KMT2A: variants seen among roughly 807,000 people sequenced by gnomAD.
KMT2A encodes the protein lysine methyltransferase 2A, also known as histone-lysine N-methyltransferase 2A.
Under a neutral mutation model 345.3 loss-of-function variants are expected in KMT2A, and 16 were observed. That is an observed-to-expected ratio of 0.05 (90% confidence interval 0.03 to 0.07). The LOEUF (loss-of-function observed/expected upper bound fraction) is 0.07. Ranked by LOEUF, KMT2A falls within the 10% of genes least tolerant of loss-of-function variation. The pLI, the probability that KMT2A is intolerant of heterozygous loss-of-function variation, is 1.00. For synonymous variants in KMT2A, 1,599 were observed against 1,778.6 expected (o/e 0.90, Z 2.54); for missense variants, 3,272 against 4,841.6 (o/e 0.68, Z 9.62).
rs781782812 is a variant in KMT2A, at chr11:118,520,759, A to G, written c.11430-43A>G. The G allele has an allele frequency of 4.1e-5, 59 of 1,437,758 alleles. No individual in the cohort carries two copies. The highest frequency in any genetic ancestry group is 5.2e-5 in the Non-Finnish European group (53 of 1,019,328). The allele number at this position is 1,437,758 out of a possible 1,614,324, so 89.1% of individuals were successfully genotyped here. On this transcript the variant is annotated intron_variant, in intron 33 of 35. Transcript: ENST00000534358. The surrounding 1 kb of genome is among the most constrained non-coding windows in gnomAD (Gnocchi z 4.3). Reference sequence around the variant, plus strand: ...CCTTCGATTCAAGACTCAAAACATTATTTCCTGAAAAAAATTCGTTAATAG... The same window carrying G: ...CCTTCGATTCAAGACTCAAAACATTGTTTCCTGAAAAAAATTCGTTAATAG...
At chr11:118,450,592 T>C (rs886269401) in intron 1 of KMT2A, 5 of 152,240 alleles carry the variant, frequency 3.3e-5, no homozygotes, top group African/African-American at 1.2e-4. Flanking sequence ...TCTGTTGTTA[T>C]TGAAGAACAG....
rs1950960734 is a variant in KMT2A at position 118,521,208 on chromosome 11, A to G, written c.11514-80A>G. 1.4e-6 allele frequency: 2 copies of G among 1,477,496 alleles called. No individual in the cohort carries two copies. Among genetic ancestry groups the G allele is most frequent in the Admixed American group, 1.8e-5 (1 of 56,340 alleles). 91.5% of individuals were successfully genotyped at this position (1,477,496 alleles called of 1,614,324 possible). A position where few individuals can be genotyped will look rare whatever the true frequency, so the allele number is the denominator to read the frequency against. On this transcript the variant is annotated intron_variant, in intron 34 of 35. Transcript: ENST00000534358. The surrounding 1 kb of genome is among the most constrained non-coding windows in gnomAD (Gnocchi z 5.3). ...GTCCCTCCTGGGGAACTAACAGACC[A>G]GGAGAACTTATTCATGTATTCACGC...
At chr11:118,440,929 G>T (rs1949300214) in intron 1 of KMT2A, among the ~76,000 whole-genome samples, 1 of 151,906 alleles carries the variant, frequency 6.6e-6, no homozygotes, top group South Asian at 2.1e-4. Context: ...CGAAGCCTCC[G>T]AGTAGAAGTC....
At position 118,503,649 on chromosome 11, in the gene KMT2A, C is replaced by T. The variant is rs1473869242; in HGVS notation, c.7757C>T (p.Ser2586Phe). 1 of 1,614,196 alleles carries T rather than the reference C, an allele frequency of 6.2e-7. No individual in the cohort carries two copies. Among genetic ancestry groups the T allele is most frequent in the Admixed American group, 1.7e-5 (1 of 60,030 alleles). The change falls in exon 27 of 36, where the codon TCT (serine) becomes TTT (phenylalanine). Residue 2586 changes from serine (S) to phenylalanine (F), a missense_variant. By Grantham distance (155) the Ser-to-Phe change is radical. Around this residue, in one of 27 missense-constraint regions of KMT2A, gnomAD observed 445 missense variants for 500.9 expected, o/e 0.89. Transcript: ENST00000534358. The surrounding 1 kb of genome is among the most constrained non-coding windows in gnomAD (Gnocchi z 5.3). The part of the protein sequence containing the change: ...PSPNNTSCQD[S>F]QSNNYQNLPV... ...CCCAATAATACCTCATGCCAGGATT[C>T]TCAAAGTAACAACTATCAGAATCTT...
Position 118,495,921 on chromosome 11 carries a change from C to T in KMT2A, c.5557+28C>T. The T allele has an allele frequency of 6.5e-7, 1 of 1,545,946 alleles. No individual in the cohort carries two copies. The highest frequency in any genetic ancestry group is 8.8e-7 in the Non-Finnish European group (1 of 1,132,732). ...AAGCCACCAAAAGGAGAGTCGTCACCCATTTCCCTCTAGATGCAGATGATT... is the reference window on the plus strand; with the variant it reads ...AAGCCACCAAAAGGAGAGTCGTCACTCATTTCCCTCTAGATGCAGATGATT... On this transcript the variant is annotated intron_variant, in intron 19 of 35. Transcript: ENST00000534358. This position sits in a 1 kb window ranked among gnomAD's most constrained non-coding sequence, Gnocchi z 4.1.
At position 118,473,446 on chromosome 11, in the gene KMT2A, A is replaced by T; in HGVS notation, c.2287A>T (p.Ser763Cys). The part of the protein sequence containing the change: ...HSMRTRSGRL[S>C]SSELSPLTPP... ...CATGAGGACAAGAAGTGGAAGGCTT[A>T]GTAGTTCTGAGCTCTCACCTCTCAC... The change falls in exon 3 of 36, where the codon AGT (serine) becomes TGT (cysteine). Residue 763 changes from serine (S) to cysteine (C), a missense_variant. Physicochemically the swap from Ser to Cys is moderately radical, Grantham distance 112. This residue lies in a region of KMT2A where 209 missense variants were observed against 237.4 expected (regional missense o/e 0.88). Transcript: ENST00000534358. This position sits in a 1 kb window ranked among gnomAD's most constrained non-coding sequence, Gnocchi z 5.2. 1 of 1,614,196 alleles carries T rather than the reference A, an allele frequency of 6.2e-7. No individual in the cohort carries two copies. Among genetic ancestry groups the T allele is most frequent in the Non-Finnish European group, 8.5e-7 (1 of 1,180,034 alleles).
chr11:118,471,302 G>A (rs1949938037), intron 2 of KMT2A, among the ~76,000 whole-genome samples: 1 of 152,142 alleles, frequency 6.6e-6, no homozygotes, highest in Non-Finnish European at 1.5e-5. Flanking sequence ...CTAGGATATG[G>A]CGAGGAAGTT....
At chr11:118,501,364 G>C (rs1166819259) in intron 25 of KMT2A, among the ~76,000 whole-genome samples, 1 of 152,072 alleles carries the variant, frequency 6.6e-6, no homozygotes, top group East Asian at 1.9e-4. Flanking sequence ...AGCCACTCAG[G>C]AGGCAGAGGC....
intron 1 of KMT2A, chr11:118,439,107 G>C (rs1555139516): frequency 2.0e-6 from 1 of 506,482 alleles, no homozygotes; most frequent in South Asian, 1.4e-5. Context: ...TACTTGCATG[G>C]AGTTGGTGCT....
intron 1 of KMT2A, chr11:118,450,292 A>G (rs1488744706): frequency 2.0e-5 from 3 of 152,030 alleles, no homozygotes; most frequent in African/African-American, 7.2e-5. Context: ...GAAGTAGTGC[A>G]TTCATTTTGC....
At chr11:118,471,206 A>G (rs524936) in intron 2 of KMT2A, among the ~76,000 whole-genome samples, 126,999 of 152,132 alleles carry the variant, frequency 0.83, 53,759 homozygotes, top group Admixed American at 0.9. Flanking sequence ...AGAGCAGCGT[A>G]TTCAAATTTG....
intron 8 of KMT2A, among the ~76,000 whole-genome samples, chr11:118,483,306 G>T (rs1313282375): frequency 6.6e-6 from 1 of 151,902 alleles, no homozygotes; most frequent in Non-Finnish European, 1.5e-5. Context: ...GCCGAGGCGG[G>T]CGGATCATGA....
intron 1 of KMT2A, among the ~76,000 whole-genome samples, chr11:118,439,340 T>C (rs945428727): frequency 7.9e-5 from 12 of 152,244 alleles, no homozygotes; most frequent in Non-Finnish European, 1.2e-4. Flanking sequence ...CATTTTCTTC[T>C]TGTTCAGTAT....
At chr11:118,438,625 GT>G (rs1555139364) in intron 1 of KMT2A, among the ~76,000 whole-genome samples, 3 of 152,106 alleles carry the variant, frequency 2.0e-5, no homozygotes, top group Non-Finnish European at 4.4e-5. Context: ...CAAACCCCTT[GT>G]CCCCTATTGT....
intron 1 of KMT2A, among the ~76,000 whole-genome samples, chr11:118,456,757 A>G (rs1236382612): frequency 2.6e-5 from 4 of 152,178 alleles, no homozygotes; most frequent in African/African-American, 9.7e-5. Flanking sequence ...CAGCATTCAT[A>G]TATTCATTGA....
rs2134154764 is a variant in KMT2A at position 118,436,837 on chromosome 11, G to A, written c.325G>A (p.Gly109Ser). ...ASSGPALLRVGPGFDAALQVS... is the reference protein window; with the variant it reads ...ASSGPALLRVSPGFDAALQVS... The stretch of plus-strand genomic sequence containing the variant: ...TTCAGGGCCGGCCCTGCTCCGGGTG[G>A]GCCCGGGCTTCGACGCGGCGCTGCA... The change falls in exon 1 of 36, where the codon GGC becomes AGC. Residue 109 changes from glycine to serine, a missense_variant. Physicochemically the swap from Gly to Ser is moderately conservative, Grantham distance 56 (BLOSUM62 0). Around this residue, in one of 27 missense-constraint regions of KMT2A, gnomAD observed 412 missense variants for 511.0 expected, o/e 0.81. Coordinates refer to ENST00000534358, the MANE Select transcript of KMT2A (RefSeq NM_001197104.2). This position sits in a 1 kb window ranked among gnomAD's most constrained non-coding sequence, Gnocchi z 6.9. 2 of 1,606,190 alleles carry A rather than the reference G, an allele frequency of 1.2e-6. No homozygotes were observed. Among genetic ancestry groups the A allele is most frequent in the Non-Finnish European group, 8.5e-7 (1 of 1,176,786 alleles).
At position 118,505,330 on chromosome 11, in the gene KMT2A, A is replaced by G. The variant is rs1950562411; in HGVS notation, c.9438A>G (p.Gln3146=). The G allele has an allele frequency of 1.2e-6, 2 of 1,614,166 alleles. No individual in the cohort carries two copies. The highest frequency in any genetic ancestry group is 4.5e-5 in the East Asian group (2 of 44,884). The change falls in exon 27 of 36, where the codon CAA becomes CAG. Residue 3146 remains glutamine (Q), a synonymous_variant. Coordinates refer to ENST00000534358, the MANE Select transcript of KMT2A (RefSeq NM_001197104.2). This position sits in a 1 kb window ranked among gnomAD's most constrained non-coding sequence, Gnocchi z 4.6. ...TAAATCCAAGCTTGCCAACTTCTCA[A>G]TCTTTGTTCCCTTCTGCTAGCAAAG... The part of the protein sequence containing the change: ...TGLNPSLPTS[Q]SLFPSASKGL...
chr11:118,473,260 A>C lies in KMT2A; in HGVS notation c.2101A>C (p.Arg701=). ...AAGGAGCCCTCTTCTGAGAGCTCCA[A>C]GATTTACTCCAAGTGAGGCTCACTC... ...HKRSPLLRAP[R]FTPSEAHSRI... is the part of the protein sequence containing the mutation. Residue 701 remains arginine, a synonymous_variant, in exon 3 of 36, where the codon AGA becomes CGA. Transcript: ENST00000534358. The surrounding 1 kb of genome is among the most constrained non-coding windows in gnomAD (Gnocchi z 5.2). 6.2e-7 allele frequency: 1 copy of C among 1,611,232 alleles called. No homozygotes were observed. Among genetic ancestry groups the C allele is most frequent in the South Asian group, 1.1e-5 (1 of 90,806 alleles).
chr11:118,481,778 T>G lies in KMT2A; in HGVS notation c.3698T>G (p.Val1233Gly). 6.2e-7 allele frequency: 1 copy of G among 1,614,126 alleles called. No individual in the cohort carries two copies. The highest frequency in any genetic ancestry group is 8.5e-7 in the Non-Finnish European group (1 of 1,180,018). The change falls in exon 7 of 36, where the codon GTT becomes GGT. Residue 1233 changes from valine (V) to glycine (G), a missense_variant. Around this residue, in one of 27 missense-constraint regions of KMT2A, gnomAD observed 168 missense variants for 216.0 expected, o/e 0.78. Transcript: ENST00000534358. ...SEKKDSKESSVVKNVVDSSQK... is the reference protein window; with the variant it reads ...SEKKDSKESSGVKNVVDSSQK... The stretch of plus-strand genomic sequence containing the variant: ...AAGAAAGACAGCAAAGAGAGCAGTG[T>G]TGTGAAGAACGTGGTGGACTCTAGT...
Sources: gnomAD v4.1 joint callset for allele counts (sites outside exome capture counted in the v4.1 genomes callset) on GRCh38, gnomAD v4.1.1 for gene constraint, gnomAD v4.1.1 regional missense constraint, Gnocchi (gnomAD v3.1) non-coding constraint, MANE v1.5 for transcripts, NCBI Gene and HGNC (gene_info 2026-07-23, HGNC 2026-07-21) for gene names.